The following ACTR1A variants were observed in gnomAD, a reference collection of about 807,000 sequenced individuals.
ACTR1A encodes actin related protein 1A.
Under a neutral mutation model 50.7 loss-of-function variants are expected in ACTR1A, and 10 were observed. That is an observed-to-expected ratio of 0.20 (90% CI 0.12 to 0.33). The LOEUF is 0.33. Among genes scored for constraint, ACTR1A ranks in the 10% least tolerant of loss-of-function variants. The pLI is 1.00. For synonymous variants in ACTR1A, 177 were observed against 184.2 expected, an observed-to-expected ratio of 0.96 and a Z score of 0.32; for missense variants, 253 against 491.7, an observed-to-expected ratio of 0.51 and a Z score of 4.59.
chr10:102,484,251 T>C lies in ACTR1A; in HGVS notation c.566A>G (p.Asp189Gly). 1 of 1,614,144 alleles carries C rather than the reference T, an allele frequency of 6.2e-7. No individual in the cohort carries two copies. The highest frequency in any genetic ancestry group is 8.5e-7 in the Non-Finnish European group (1 of 1,180,022). ...GTAGAGGCGCAGGAAGCGAGAGACGTCCCGGCCCGCGATGTCGATGCGCAT... is the reference window on the plus strand; with the variant it reads ...GTAGAGGCGCAGGAAGCGAGAGACGCCCCGGCCCGCGATGTCGATGCGCAT... ...SIMRIDIAGR[D>G]VSRFLRLYLR... Residue 189 changes from aspartate (D) to glycine (G), a missense_variant, in exon 6 of 11, where the codon GAC (aspartate) becomes GGC (glycine). This residue lies in a region of ACTR1A where 116 missense variants were observed against 155.9 expected (regional missense o/e 0.74). Coordinates refer to ENST00000369905, the MANE Select transcript of ACTR1A (RefSeq NM_005736.4).
intron 5 of ACTR1A, among the ~76,000 whole-genome samples, chr10:102,484,982 G>A (rs2062159915): frequency 6.6e-6 from 1 of 152,218 alleles, no homozygotes; most frequent in African/African-American, 2.4e-5. Context: ...TTTGCCCTGT[G>A]GGAATGTGTG....
At chr10:102,501,836 A>AT (rs973608595) in intron 1 of ACTR1A, among the ~76,000 whole-genome samples, 11 of 152,286 alleles carry the variant, frequency 7.2e-5, no homozygotes, top group South Asian at 2.1e-4. Flanking sequence ...AAGTTTGGTA[A>AT]TTTTTTCCCC....
At chr10:102,485,854 C>CA (rs1432992390) in intron 4 of ACTR1A, 121 bp from the exon 5 acceptor site, 14 of 1,372,526 alleles carry the variant, frequency 1.0e-5, no homozygotes, top group African/African-American at 7.3e-5. Context: ...AGCCTCACTC[C>CA]AAAAAAAGGC....
rs140955773 is a variant in ACTR1A, at chr10:102,481,815, C to T, written c.987+22G>A. ...CCATGGAAGCCTAGTTCCACCCAGG[C>T]CAGGCCCCACCATGCTCCTACCCTG... On this transcript the variant is annotated intron_variant, in intron 9 of 10. Coordinates refer to ENST00000369905, the MANE Select transcript of ACTR1A (RefSeq NM_005736.4). The T allele has an allele frequency of 4.6e-4, 736 of 1,612,040 alleles. 2 individuals are homozygous for T. The African/African-American group carries it at 8.3e-3, about 18-fold the overall frequency.
chr10:102,484,088 C>G (rs1474111718), intron 6 of ACTR1A, 72 bp downstream of exon 6: 1 of 1,477,116 alleles, frequency 6.8e-7, no homozygotes, highest in Admixed American at 1.7e-5. Context: ...GCTTCACTGG[C>G]AGGTCACCAA....
intron 5 of ACTR1A, among the ~76,000 whole-genome samples, chr10:102,484,960 C>T (rs1409253164): frequency 6.6e-6 from 1 of 152,220 alleles, no homozygotes; most frequent in Non-Finnish European, 1.5e-5. Context: ...CGCTCTTCAG[C>T]TCCAGCTGAT....
intron 4 of ACTR1A, among the ~76,000 whole-genome samples, chr10:102,487,583 C>T (rs572510037): frequency 4.0e-5 from 6 of 151,706 alleles, no homozygotes; most frequent in African/African-American, 1.5e-4. Context: ...TGAATTCCAT[C>T]TCTACCCTTT....
rs2062179381 is a variant in ACTR1A at position 102,488,568 on chromosome 10, G to C, written c.190-293C>G. Among the ~76,000 whole-genome samples, 1 of 152,210 alleles carries C rather than the reference G, an allele frequency of 6.6e-6. No homozygotes were observed. Among genetic ancestry groups the C allele is most frequent in the Non-Finnish European group, 1.5e-5 (1 of 68,042 alleles). ...GCAGGAGGCATCTTCCTCATTGCCT[G>C]GTTCCAGGACACAATCTCCTGGCTC... On this transcript the variant is annotated intron_variant, in intron 3 of 10. Transcript: ENST00000369905. The surrounding 1 kb of genome is among the most constrained non-coding windows in gnomAD (Gnocchi z 4.4).
At chr10:102,486,991 C>T (rs1253619627) in intron 4 of ACTR1A, among the ~76,000 whole-genome samples, 7 of 151,182 alleles carry the variant, frequency 4.6e-5, no homozygotes, top group Admixed American at 2.0e-4. Flanking sequence ...GGTGGTGTTT[C>T]GCCATGCTGC....
intron 1 of ACTR1A, 143 bp from the exon 2 acceptor site, chr10:102,490,756 G>A: frequency 1.7e-6 from 1 of 594,510 alleles, no homozygotes; most frequent in Non-Finnish European, 2.9e-6. Flanking sequence ...ACTTTGGGAG[G>A]CAGAGGCAGG....
intron 1 of ACTR1A, 118 bp downstream of exon 1, chr10:102,502,482 C>G: frequency 8.8e-7 from 1 of 1,131,678 alleles, no homozygotes; most frequent in South Asian, 1.3e-5. Flanking sequence ...GGTGGCTGAA[C>G]GCGCCTGACA....
chr10:102,488,831 G>T lies in ACTR1A; in HGVS notation c.189+232C>A, dbSNP rs2062180260. 6.6e-6 allele frequency among the ~76,000 whole-genome samples: 1 copy of T among 152,196 alleles called. No homozygotes were observed. Among genetic ancestry groups the T allele is most frequent in the South Asian group, 2.1e-4 (1 of 4,826 alleles). ...GACAACAGCCCTGTTTCCTAGACTG[G>T]TCTCAGTGTGTCCCAAAGTGAGGTC... is the stretch of plus-strand genomic sequence containing the variant. On this transcript the variant is annotated intron_variant, in intron 3 of 10. Coordinates refer to ENST00000369905, the MANE Select transcript of ACTR1A (RefSeq NM_005736.4). This position sits in a 1 kb window ranked among gnomAD's most constrained non-coding sequence, Gnocchi z 4.4.
In ACTR1A at chr10:102,489,185, A is replaced by G. The variant is rs371915565; in HGVS notation, c.114-47T>C. The G allele has an allele frequency of 2.9e-4, 419 of 1,430,626 alleles. 1 individual carries two copies. The highest frequency in any genetic ancestry group is 3.5e-4 in the Non-Finnish European group (373 of 1,054,882). 88.6% of individuals were successfully genotyped at this position (1,430,626 alleles called of 1,614,324 possible). ...ACCATCATTTTTCATTTCATGACAG[A>G]ACACAGGAAGGATGTATAGATGTAC... On this transcript the variant is annotated intron_variant, in intron 2 of 10. Transcript: ENST00000369905.
intron 1 of ACTR1A, among the ~76,000 whole-genome samples, chr10:102,496,180 C>T (rs1465530385): frequency 6.6e-6 from 1 of 152,146 alleles, no homozygotes; most frequent in East Asian, 1.9e-4. Flanking sequence ...CTCCTGACCT[C>T]GATAAATACA....
At chr10:102,487,411 C>CCA (rs145401540) in intron 4 of ACTR1A, among the ~76,000 whole-genome samples, 228 of 151,008 alleles carry the variant, frequency 1.5e-3, no homozygotes, top group African/African-American at 4.1e-3. Flanking sequence ...CAAAACCCCA[C>CCA]CACACACACA....
Position 102,480,707 on chromosome 10 carries a change from C to T in ACTR1A, c.*156G>A, listed in dbSNP as rs906937133. ...GGTAGTTCATCGTCCTTTCTGGGCC[C>T]AGGGTCCCAGGGCCACACGGCACTC... is the stretch of plus-strand genomic sequence containing the variant. On this transcript the variant is annotated 3_prime_UTR_variant, in exon 11 of 11. Transcript: ENST00000369905. 45 of 677,524 alleles carry T rather than the reference C, an allele frequency of 6.6e-5. No homozygotes were observed. In the African/African-American group the frequency reaches 7.8e-4, roughly 12 times the overall value. 42.0% of individuals were successfully genotyped at this position (677,524 alleles called of 1,614,324 possible). A position where few individuals can be genotyped will look rare whatever the true frequency, so the allele number is the denominator to read the frequency against.
At chr10:102,492,123 T>G (rs2062197897) in intron 1 of ACTR1A, among the ~76,000 whole-genome samples, 1 of 124,536 alleles carries the variant, frequency 8.0e-6, no homozygotes, top group South Asian at 2.7e-4. Context: ...CAGGCTGGAG[T>G]GTGGTGGCAC....
intron 1 of ACTR1A, among the ~76,000 whole-genome samples, chr10:102,492,225 C>T (rs1013788425): frequency 1.3e-5 from 2 of 152,006 alleles, no homozygotes; most frequent in African/African-American, 2.4e-5. Flanking sequence ...CGCGCACCAC[C>T]ATGCCTGGCT....
At chr10:102,498,544 C>T (rs1012272776) in intron 1 of ACTR1A, among the ~76,000 whole-genome samples, 3 of 151,964 alleles carry the variant, frequency 2.0e-5, no homozygotes, top group Non-Finnish European at 4.4e-5. Context: ...GAGTGAGGTG[C>T]ACGATCTCAC....
Sources: gnomAD v4.1 joint callset for allele counts (sites outside exome capture counted in the v4.1 genomes callset) on GRCh38, gnomAD v4.1.1 for gene constraint, gnomAD v4.1.1 regional missense constraint, Gnocchi (gnomAD v3.1) non-coding constraint, MANE v1.5 for transcripts, NCBI Gene and HGNC (gene_info 2026-07-23, HGNC 2026-07-21) for gene names.